Variants in MSANTD2 observed in about 807,000 individuals in gnomAD.
MSANTD2 encodes the protein myb/SANT-like DNA-binding domain-containing protein 2.
In MSANTD2, 19 loss-of-function variants were observed where a neutral mutation model predicts 52.6. The observed-to-expected ratio is 0.36, with a 90% confidence interval of 0.25 to 0.53. The LOEUF (loss-of-function observed/expected upper bound fraction) is 0.53. Among genes scored for constraint, MSANTD2 ranks in the 20% least tolerant of loss-of-function variants. The pLI, the probability that MSANTD2 is intolerant of heterozygous loss-of-function variation, is 0.91. For synonymous variants in MSANTD2, 291 were observed against 289.7 expected (o/e 1.00, Z -0.04); for missense variants, 558 against 716.3 (o/e 0.78, Z 2.52).
chr11:124,774,660 A>G lies in MSANTD2; in HGVS notation c.766+59T>C, dbSNP rs1944668518. 1 of 1,532,700 alleles carries G rather than the reference A, an allele frequency of 6.5e-7. No homozygotes were observed. The highest frequency in any genetic ancestry group is 1.7e-5 in the Admixed American group (1 of 58,006). The allele number at this position is 1,532,700 out of a possible 1,614,324, so 94.9% of individuals were successfully genotyped here. On this transcript the variant is annotated intron_variant, in intron 2 of 3. Coordinates refer to ENST00000374979, the MANE Select transcript of MSANTD2 (RefSeq NM_001308027.2). This position sits in a 1 kb window ranked among gnomAD's most constrained non-coding sequence, Gnocchi z 5.1. ...TTACAGGTAATAAGTACTGGTGCACATACATAAAGGTATATAAATATACAC... is the reference window on the plus strand; with the variant it reads ...TTACAGGTAATAAGTACTGGTGCACGTACATAAAGGTATATAAATATACAC...
At position 124,774,825 on chromosome 11, in the gene MSANTD2, C is replaced by T; in HGVS notation, c.660G>A (p.Leu220=). ...TGCCATCTGACTCCAGCTCCTGGTA[C>T]AAGCCACTACTGTTAATAAGTACAG... ...CQPVLINSSG[L]YQELESDGST... is the part of the protein sequence containing the mutation. The change falls in exon 2 of 4, where the codon TTG becomes TTA. Residue 220 remains leucine, a synonymous_variant. Transcript: ENST00000374979. The surrounding 1 kb of genome is among the most constrained non-coding windows in gnomAD (Gnocchi z 5.1). 1 of 1,602,442 alleles carries T rather than the reference C, an allele frequency of 6.2e-7. No individual in the cohort carries two copies.
At position 124,774,311 on chromosome 11, in the gene MSANTD2, T is replaced by C. The variant is rs535815625; in HGVS notation, c.766+408A>G. ...AAAGAAGGAATTCCTAAGAACAACA[T>C]CTACAGCAGTTGGGCCAAGATATCT... On this transcript the variant is annotated intron_variant, in intron 2 of 3. Transcript: ENST00000374979. The surrounding 1 kb of genome is among the most constrained non-coding windows in gnomAD (Gnocchi z 5.1). Among the ~76,000 whole-genome samples the C allele has an allele frequency of 5.0e-5, 7 of 140,194 alleles. No individual in the cohort carries two copies. Among genetic ancestry groups the C allele is most frequent in the Non-Finnish European group, 7.4e-5 (5 of 67,146 alleles). The allele number at this position is 140,194 out of a possible 152,430, so 92.0% of individuals were successfully genotyped here.
At chr11:124,783,752 C>T (rs180757165) in intron 1 of MSANTD2, 33 of 985,256 alleles carry the variant, frequency 3.3e-5, no homozygotes, top group Middle Eastern at 5.2e-4. Context: ...AGCTGAGGGT[C>T]GTGCCCATTC....
chr11:124,786,684 TCTC>T (rs1436202676), intron 1 of MSANTD2, among the ~76,000 whole-genome samples: 2 of 152,214 alleles, frequency 1.3e-5, no homozygotes, highest in African/African-American at 4.8e-5. Flanking sequence ...GACTTCCAAA[TCTC>T]CTTGTGTTTC....
At chr11:124,797,567 A>G (rs939944428) in intron 1 of MSANTD2, among the ~76,000 whole-genome samples, 3 of 152,246 alleles carry the variant, frequency 2.0e-5, no homozygotes, top group African/African-American at 7.2e-5. Flanking sequence ...GCAGTGAGTA[A>G]GAGAGACCAG....
chr11:124,790,978 C>T (rs1438414091), intron 1 of MSANTD2: 2 of 361,088 alleles, frequency 5.5e-6, no homozygotes, highest in Non-Finnish European at 1.0e-5. Context: ...ATCTTCTAGT[C>T]CTCTTTTATT....
At chr11:124,786,095 C>CTTTT (rs200399771) in intron 1 of MSANTD2, among the ~76,000 whole-genome samples, 83 of 114,390 alleles carry the variant, frequency 7.3e-4, no homozygotes, top group African/African-American at 1.8e-3. Flanking sequence ...ATCATTTCTT[C>CTTTT]TTTTTTTTTT....
chr11:124,800,343 G>A lies in MSANTD2; in HGVS notation c.38C>T (p.Ser13Leu), dbSNP rs768637276. 22 of 1,553,422 alleles carry A rather than the reference G, an allele frequency of 1.4e-5. No homozygotes were observed. Among genetic ancestry groups the A allele is most frequent in the Non-Finnish European group, 1.9e-5 (22 of 1,152,196 alleles). ...APCGSELPAN[S>L]PLKIPKMEVL... ...CTCCATCTTCGGAATTTTTAGCGGC[G>A]AGTTGGCGGGCAGCTCCGAGCCACA... Residue 13 changes from serine to leucine, a missense_variant, in exon 1 of 4, where the codon TCG becomes TTG. Coordinates refer to ENST00000374979, the MANE Select transcript of MSANTD2 (RefSeq NM_001308027.2). This position sits in a 1 kb window ranked among gnomAD's most constrained non-coding sequence, Gnocchi z 4.3.
At chr11:124,799,123 C>G (rs2135280372) in intron 1 of MSANTD2, among the ~76,000 whole-genome samples, 1 of 152,322 alleles carries the variant, frequency 6.6e-6, no homozygotes, top group South Asian at 2.1e-4. Flanking sequence ...GAAACTGAAG[C>G]AGGGAAAAAC....
chr11:124,783,606 T>A, intron 1 of MSANTD2: 1 of 531,998 alleles, frequency 1.9e-6, no homozygotes, highest in Non-Finnish European at 2.4e-6. Context: ...AGTGACAGAG[T>A]GAGACTCTGT....
chr11:124,784,350 C>A (rs1415611379), intron 1 of MSANTD2: 3 of 984,794 alleles, frequency 3.0e-6, no homozygotes, highest in African/African-American at 1.7e-5. Flanking sequence ...TATGTGATAT[C>A]TAAAACACAT....
In MSANTD2 at chr11:124,800,267, C is replaced by T; in HGVS notation, c.114G>A (p.Leu38=). Residue 38 remains leucine (L), a synonymous_variant, in exon 1 of 4, where the codon CTG becomes CTA. Coordinates refer to ENST00000374979, the MANE Select transcript of MSANTD2 (RefSeq NM_001308027.2). This position sits in a 1 kb window ranked among gnomAD's most constrained non-coding sequence, Gnocchi z 4.3. ...CACCCCGAGGCGTGGAAGGGTCGGA[C>T]AGCGATGGATTTCCGTCGCTCAGGC... is the stretch of plus-strand genomic sequence containing the variant. The part of the protein sequence containing the change: ...PGGLSDGNPS[L]SDPSTPRGAS... 6.4e-7 allele frequency: 1 copy of T among 1,568,930 alleles called. No individual in the cohort carries two copies. The highest frequency in any genetic ancestry group is 1.4e-5 in the African/African-American group (1 of 70,870).
At chr11:124,796,843 AAG>A (rs1161232725) in intron 1 of MSANTD2, among the ~76,000 whole-genome samples, 8 of 152,250 alleles carry the variant, frequency 5.3e-5, no homozygotes, top group African/African-American at 1.9e-4. Context: ...CACAAAGTGA[AAG>A]AGATTTTTGA....
chr11:124,798,234 T>TAAAAAA (rs10601418), intron 1 of MSANTD2, among the ~76,000 whole-genome samples: 2,872 of 110,238 alleles, frequency 0.026, 82 homozygotes, highest in African/African-American at 0.057. Flanking sequence ...CCCTGTCTCT[T>TAAAAAA]AAAAAAAAAA....
intron 1 of MSANTD2, chr11:124,792,457 A>G (rs888114754): frequency 6.6e-6 from 1 of 152,218 alleles, no homozygotes. Flanking sequence ...TTTGGTAAGT[A>G]TATCTCATTA....
chr11:124,797,326 A>C (rs1945527118), intron 1 of MSANTD2, among the ~76,000 whole-genome samples: 1 of 152,146 alleles, frequency 6.6e-6, no homozygotes, highest in Non-Finnish European at 1.5e-5. Flanking sequence ...TTCTAAAAAA[A>C]CAAAAATACA....
At chr11:124,782,442 A>G (rs184481174) in intron 1 of MSANTD2, among the ~76,000 whole-genome samples, 1 of 152,132 alleles carries the variant, frequency 6.6e-6, no homozygotes, top group Non-Finnish European at 1.5e-5. Flanking sequence ...ACAGAGTGAG[A>G]CCCCTGTCTC....
chr11:124,773,195 C>A, intron 2 of MSANTD2, 141 bp from the exon 3 acceptor site: 1 of 579,458 alleles, frequency 1.7e-6, no homozygotes. Context: ...TGTCCAATGT[C>A]AGATTTATAA....
chr11:124,789,964 A>C lies in MSANTD2; in HGVS notation c.510+9907T>G, dbSNP rs534555560. 2.8e-4 allele frequency: 42 copies of C among 152,296 alleles called. 1 individual carries two copies. The highest frequency in any genetic ancestry group is 9.4e-4 in the African/African-American group (39 of 41,520). 9.4% of individuals were successfully genotyped at this position (152,296 alleles called of 1,614,324 possible). Reference sequence around the variant, plus strand: ...AATCATAACTGCAATCCTAACAGTTAATTGTTTTAAAGAGTTCTTTAGAGT... The same window carrying C: ...AATCATAACTGCAATCCTAACAGTTCATTGTTTTAAAGAGTTCTTTAGAGT... On this transcript the variant is annotated intron_variant, in intron 1 of 3. Transcript: ENST00000374979.
Sources: allele counts gnomAD v4.1 joint callset (sites outside exome capture counted in the v4.1 genomes callset), GRCh38; gene constraint gnomAD v4.1.1; non-coding constraint Gnocchi (gnomAD v3.1); transcripts MANE v1.5; gene names NCBI Gene and HGNC (gene_info 2026-07-23, HGNC 2026-07-21).